Variants in ARHGAP42 observed in about 807,000 individuals in gnomAD.
ARHGAP42 encodes the protein rho GTPase-activating protein 42.
A neutral mutation model predicts 125.0 loss-of-function variants in ARHGAP42; 63 were observed. The ratio of observed to expected loss-of-function variants is 0.50; its 90% CI spans 0.41 to 0.62. ARHGAP42 has a LOEUF of 0.62. Ranked by LOEUF, ARHGAP42 falls within the 20% of genes least tolerant of loss-of-function variation. The probability of loss-of-function intolerance (pLI) is 0.00; values close to 1 mark genes in which losing one functional copy is unlikely to be tolerated. For missense variants in ARHGAP42, 766 were observed against 1,024.2 expected (o/e 0.75, Z 3.44); for synonymous variants, 339 against 351.0 (o/e 0.97, Z 0.38).
chr11:100,755,821 G>T (rs762156704), intron 1 of ARHGAP42, among the ~76,000 whole-genome samples: 12 of 152,162 alleles, frequency 7.9e-5, no homozygotes, highest in Non-Finnish European at 1.5e-4. Flanking sequence ...TACAAGATAG[G>T]TTTTTCATGG....
intron 2 of ARHGAP42, among the ~76,000 whole-genome samples, chr11:100,783,514 T>A (rs754246839): frequency 6.6e-6 from 1 of 152,186 alleles, no homozygotes; most frequent in Non-Finnish European, 1.5e-5. Flanking sequence ...TGGTACTGTT[T>A]TAGTCTATTC....
chr11:100,711,398 A>G (rs1861563694), intron 1 of ARHGAP42, among the ~76,000 whole-genome samples: 1 of 152,202 alleles, frequency 6.6e-6, no homozygotes, highest in Admixed American at 6.5e-5. Flanking sequence ...TCTGTCGCCC[A>G]TGCTGGAGTG....
At chr11:100,744,671 A>G (rs1025434284) in intron 1 of ARHGAP42, among the ~76,000 whole-genome samples, 2 of 152,022 alleles carry the variant, frequency 1.3e-5, no homozygotes, top group Admixed American at 6.6e-5. Flanking sequence ...TGCTTTCAGC[A>G]GTGAAGACTC....
chr11:100,983,944 T>C (rs1448767196), intron 22 of ARHGAP42, among the ~76,000 whole-genome samples: 1 of 152,156 alleles, frequency 6.6e-6, no homozygotes. Flanking sequence ...TTTGAAACCC[T>C]GTGTCTGCAA....
In ARHGAP42 at chr11:100,949,942, GC is replaced by G; in HGVS notation, c.1149del (p.Ser383ArgfsTer8). ...ATTTATACTCTGCCTGCCATTATAA[GC>G]AAGAAAGAAGAAAGTAAGTCATTTT... ...EPIYTLPAII[S>X]KKEEMYLNEA... is the part of the protein sequence containing the mutation. On this transcript the variant is annotated frameshift_variant, in exon 12 of 24. Transcript: ENST00000298815. LOFTEE classifies it high-confidence loss of function. 6.8e-7 allele frequency: 1 copy of G among 1,472,824 alleles called. No individual in the cohort carries two copies. Among genetic ancestry groups the G allele is most frequent in the South Asian group, 1.3e-5 (1 of 78,286 alleles). 91.2% of individuals were successfully genotyped at this position (1,472,824 alleles called of 1,614,324 possible).
chr11:100,722,403 T>A (rs1341461626), intron 1 of ARHGAP42, among the ~76,000 whole-genome samples: 2 of 151,124 alleles, frequency 1.3e-5, no homozygotes, highest in Admixed American at 1.3e-4. Context: ...CTTTTTTTTT[T>A]TTTTTTTGAG....
intron 3 of ARHGAP42, among the ~76,000 whole-genome samples, chr11:100,800,512 A>G (rs1215693076): frequency 6.6e-6 from 1 of 152,194 alleles, no homozygotes. Flanking sequence ...GACATCATCC[A>G]ATATGATGAC....
intron 18 of ARHGAP42, among the ~76,000 whole-genome samples, chr11:100,973,850 C>G (rs907838215): frequency 6.6e-6 from 1 of 152,132 alleles, no homozygotes; most frequent in South Asian, 2.1e-4. Flanking sequence ...TAAGGTCTAA[C>G]AATTTGTAAT....
At chr11:100,793,046 G>A (rs1371984875) in intron 2 of ARHGAP42, among the ~76,000 whole-genome samples, 13 of 151,958 alleles carry the variant, frequency 8.6e-5, no homozygotes, top group South Asian at 2.1e-4. Context: ...GAGCCACCGC[G>A]CCCAGCCAGA....
chr11:100,704,250 G>A (rs1048832293), intron 1 of ARHGAP42, among the ~76,000 whole-genome samples: 3 of 152,122 alleles, frequency 2.0e-5, no homozygotes, highest in African/African-American at 7.2e-5. Context: ...GAAAAAAGAA[G>A]GAAAGATATT....
chr11:100,969,877 T>C (rs1280540668), intron 17 of ARHGAP42, among the ~76,000 whole-genome samples: 1 of 152,208 alleles, frequency 6.6e-6, no homozygotes, highest in Non-Finnish European at 1.5e-5. Context: ...TTCTTTGCAT[T>C]GTCATACTTT....
At chr11:100,903,442 G>C (rs1314789764) in intron 4 of ARHGAP42, among the ~76,000 whole-genome samples, 1 of 151,664 alleles carries the variant, frequency 6.6e-6, no homozygotes, top group East Asian at 1.9e-4. Flanking sequence ...ATGGAAAAAA[G>C]CTTCAGTAAC....
intron 4 of ARHGAP42, among the ~76,000 whole-genome samples, chr11:100,876,176 G>T (rs2135168090): frequency 6.6e-6 from 1 of 152,294 alleles, no homozygotes; most frequent in Non-Finnish European, 1.5e-5. Flanking sequence ...TTTACAGCAA[G>T]ATGAACTTGA....
At chr11:100,820,040 C>A (rs1864366573) in intron 3 of ARHGAP42, among the ~76,000 whole-genome samples, 1 of 152,098 alleles carries the variant, frequency 6.6e-6, no homozygotes, top group Admixed American at 6.6e-5. Context: ...TAGTATGCCA[C>A]AGGGCTCGGA....
chr11:100,945,991 G>A lies in ARHGAP42; in HGVS notation c.1043+2123G>A, dbSNP rs560961411. Among the ~76,000 whole-genome samples the A allele has an allele frequency of 3.3e-5, 5 of 152,158 alleles. No homozygotes were observed. In the East Asian group the frequency reaches 7.7e-4, roughly 24 times the overall value. On this transcript the variant is annotated intron_variant, in intron 10 of 23. Transcript: ENST00000298815. Reference sequence around the variant, plus strand: ...AACAGAAGGCTATTTCATCTACATTGAAAATCTGTTGTTTACTGTAGCCAC... The same window carrying A: ...AACAGAAGGCTATTTCATCTACATTAAAAATCTGTTGTTTACTGTAGCCAC...
intron 1 of ARHGAP42, among the ~76,000 whole-genome samples, chr11:100,689,752 G>A (rs984791165): frequency 3.3e-5 from 5 of 152,110 alleles, no homozygotes; most frequent in African/African-American, 1.2e-4. Flanking sequence ...TTTAACTAAC[G>A]TTTGATTATT....
At position 100,921,245 on chromosome 11, in the gene ARHGAP42, ATTTTTTTTTTTTTT is replaced by A. The variant is rs869131567; in HGVS notation, c.487-234_487-221del. ...TATATATATATATATATATATATAT[ATTTTTTTTTTTTTT>A]TTTTTTTTTTTTTTACTGCAATGGG... On this transcript the variant is annotated intron_variant, in intron 5 of 23. Coordinates refer to ENST00000298815, the MANE Select transcript of ARHGAP42 (RefSeq NM_152432.4). 2.7e-4 allele frequency among the ~76,000 whole-genome samples: 10 copies of A among 36,724 alleles called. No homozygotes were observed. The East Asian group carries it at 3.4e-3, about 13-fold the overall frequency. 24.1% of individuals were successfully genotyped at this position (36,724 alleles called of 152,430 possible).
chr11:100,698,236 C>G (rs12279087), intron 1 of ARHGAP42, among the ~76,000 whole-genome samples: 1 of 152,116 alleles, frequency 6.6e-6, no homozygotes, highest in Admixed American at 6.5e-5. Context: ...CTTTGGGCGG[C>G]TGAGGTGGGA....
intron 1 of ARHGAP42, chr11:100,688,047 A>C (rs1283613769): frequency 2.4e-6 from 1 of 420,070 alleles, no homozygotes; most frequent in African/African-American, 2.0e-5. Context: ...AGTTCTCTAC[A>C]GGGCACTGGA....
Sources: gnomAD v4.1 joint callset for allele counts (sites outside exome capture counted in the v4.1 genomes callset) on GRCh38, gnomAD v4.1.1 for gene constraint, MANE v1.5 for transcripts, NCBI Gene and HGNC (gene_info 2026-07-23, HGNC 2026-07-21) for gene names.